The following RPS6KA2 variants were observed in gnomAD, a reference collection of about 807,000 sequenced individuals.
The protein encoded by RPS6KA2 is ribosomal protein S6 kinase alpha-2.
Under a neutral mutation model 91.8 loss-of-function variants are expected in RPS6KA2, and 42 were observed. The ratio of observed to expected loss-of-function variants is 0.46; its 90% CI spans 0.36 to 0.59. RPS6KA2 has a LOEUF of 0.59. RPS6KA2 is among the 20% of genes least tolerant of loss of function. The pLI, the probability that RPS6KA2 is intolerant of heterozygous loss-of-function variation, is 0.00. For synonymous variants in RPS6KA2, 414 were observed against 393.6 expected, an observed-to-expected ratio of 1.05 and a Z score of -0.61; for missense variants, 798 against 978.5, an observed-to-expected ratio of 0.82 and a Z score of 2.46.
At chr6:166,559,989 T>G (rs1784292581) in intron 1 of RPS6KA2, among the ~76,000 whole-genome samples, 1 of 152,316 alleles carries the variant, frequency 6.6e-6, no homozygotes, top group South Asian at 2.1e-4. Flanking sequence ...CATACACATG[T>G]GAACTTACAA....
In RPS6KA2 at chr6:166,851,084, C is replaced by T. The variant is rs147091400; in HGVS notation, c.123+7116G>A. On this transcript the variant is annotated intron_variant, in intron 2 of 21. Transcript: ENST00000503859. ...GCAAATTACATCACCTTTGGTGCCT[C>T]GATTTCACCACCTGAAAAATGGGGG... Among the ~76,000 whole-genome samples, 118 of 152,324 alleles carry T rather than the reference C, an allele frequency of 7.7e-4. 2 individuals carry two copies. The East Asian group carries it at 0.012, about 15-fold the overall frequency.
At position 166,530,256 on chromosome 6, in the gene RPS6KA2, C is replaced by T. The variant is rs56838496; in HGVS notation, c.298+976G>A. Reference sequence around the variant, plus strand: ...TCCCTGCTCTGCCAAGTGTGCCCCCCTCCCAGAGAGAAAGTCTCCCTACCC... The same window carrying T: ...TCCCTGCTCTGCCAAGTGTGCCCCCTTCCCAGAGAGAAAGTCTCCCTACCC... On this transcript the variant is annotated intron_variant, in intron 3 of 20. Transcript: ENST00000265678. Among the ~76,000 whole-genome samples, 630 of 152,340 alleles carry T rather than the reference C, an allele frequency of 4.1e-3. 15 individuals are homozygous for T. In the East Asian group the frequency reaches 0.052, roughly 13 times the overall value.
At chr6:166,712,279 G>A (rs1789885034) in intron 2 of RPS6KA2, among the ~76,000 whole-genome samples, 1 of 152,210 alleles carries the variant, frequency 6.6e-6, no homozygotes, top group Non-Finnish European at 1.5e-5. Context: ...ATCTGGTGGT[G>A]AGGGCAAGGC....
intron 2 of RPS6KA2, among the ~76,000 whole-genome samples, chr6:166,793,777 C>G (rs1253809073): frequency 2.0e-4 from 31 of 152,102 alleles, no homozygotes; most frequent in Admixed American, 1.0e-3. Flanking sequence ...TTAATAAATG[C>G]TGCTGGGAAA....
chr6:166,538,560 G>A (rs972867633), intron 2 of RPS6KA2, 108 bp downstream of exon 2: 40 of 652,994 alleles, frequency 6.1e-5, no homozygotes, highest in South Asian at 3.4e-4. Flanking sequence ...TCCCGTGATC[G>A]CAGCCCTGCA....
intron 2 of RPS6KA2, among the ~76,000 whole-genome samples, chr6:166,844,981 TAC>T (rs999991579): frequency 3.3e-5 from 5 of 152,042 alleles, no homozygotes; most frequent in Non-Finnish European, 5.9e-5. Flanking sequence ...ACTTAAAAGA[TAC>T]AGAGTAGCAT....
In RPS6KA2 at chr6:166,737,344, T is replaced by C. The variant is rs1219955785; in HGVS notation, c.123+120856A>G. On this transcript the variant is annotated intron_variant, in intron 2 of 21. Transcript: ENST00000503859. This position sits in a 1 kb window ranked among gnomAD's most constrained non-coding sequence, Gnocchi z 4.3. ...TCACCCCAGCGGCAGCCTGGTGTGA[T>C]AATTGGTAGGTAACCAGTTTGCTTT... Among the ~76,000 whole-genome samples, 2 of 152,226 alleles carry C rather than the reference T, an allele frequency of 1.3e-5. No individual in the cohort carries two copies. The highest frequency in any genetic ancestry group is 2.4e-5 in the African/African-American group (1 of 41,454).
intron 1 of RPS6KA2, among the ~76,000 whole-genome samples, chr6:166,556,119 G>A (rs60005152): frequency 0.05 from 7,685 of 152,206 alleles, 657 homozygotes; most frequent in African/African-American, 0.17. Flanking sequence ...TCTTTGGGGA[G>A]CAGTGAATAG....
intron 2 of RPS6KA2, among the ~76,000 whole-genome samples, chr6:166,744,952 C>T (rs1261850246): frequency 6.6e-6 from 1 of 152,070 alleles, no homozygotes; most frequent in Non-Finnish European, 1.5e-5. Flanking sequence ...TCAGCTCAGG[C>T]TGCGTAACAA....
chr6:166,747,559 C>T (rs1368992276), intron 2 of RPS6KA2, among the ~76,000 whole-genome samples: 1 of 151,828 alleles, frequency 6.6e-6, no homozygotes, highest in Non-Finnish European at 1.5e-5. Flanking sequence ...TGTGTGGCCG[C>T]TCCTCCTCCT....
intron 5 of RPS6KA2, among the ~76,000 whole-genome samples, chr6:166,507,933 T>C (rs2128481490): frequency 1.0e-5 from 1 of 99,498 alleles, no homozygotes; most frequent in South Asian, 3.3e-4. Flanking sequence ...ATCACGCACA[T>C]GCACTCACAC....
intron 2 of RPS6KA2, among the ~76,000 whole-genome samples, chr6:166,741,097 T>C (rs970838743): frequency 2.0e-5 from 3 of 152,214 alleles, no homozygotes; most frequent in African/African-American, 4.8e-5. Flanking sequence ...GCAAAATCAG[T>C]GACACCTGAA....
In RPS6KA2 at chr6:166,413,860, C is replaced by T. The variant is rs1778404784; in HGVS notation, c.2010G>A (p.Pro670=). The change falls in exon 20 of 21, where the codon CCG becomes CCA. Residue 670 remains proline, a synonymous_variant. Transcript: ENST00000265678. ...RLTAMQVLKH[P]WVVNREYLSP... Reference sequence around the variant, plus strand: ...ACAGGTACTCTCTGTTGACCACCCACGGGTGTTTGAGCACTTGCATCGCCG... The same window carrying T: ...ACAGGTACTCTCTGTTGACCACCCATGGGTGTTTGAGCACTTGCATCGCCG... 13 of 1,614,168 alleles carry T rather than the reference C, an allele frequency of 8.1e-6. No individual in the cohort carries two copies. The highest frequency in any genetic ancestry group is 1.6e-4 in the Middle Eastern group (1 of 6,062).
intron 2 of RPS6KA2, among the ~76,000 whole-genome samples, chr6:166,751,727 C>A (rs1286229403): frequency 6.6e-6 from 1 of 152,242 alleles, no homozygotes; most frequent in Non-Finnish European, 1.5e-5. Flanking sequence ...CCATTCGCAT[C>A]CTAGTGAAGT....
chr6:166,617,375 T>C (rs550812335), intron 1 of RPS6KA2, among the ~76,000 whole-genome samples: 24 of 152,336 alleles, frequency 1.6e-4, no homozygotes, highest in Non-Finnish European at 3.4e-4. Flanking sequence ...TTTTAAGTAA[T>C]CAAAGTTGTT....
rs369859967 is a variant in RPS6KA2 at position 166,543,835 on chromosome 6, G to A, written c.100-5051C>T. On this transcript the variant is annotated intron_variant, in intron 1 of 20. Transcript: ENST00000265678. The stretch of plus-strand genomic sequence containing the variant: ...CCTGAGTGTGTGCACGTGTGTGTGC[G>A]CATGTGTACATGTGGAATGCACATA... Among the ~76,000 whole-genome samples, 57 of 152,174 alleles carry A rather than the reference G, an allele frequency of 3.7e-4. 1 individual carries two copies. The South Asian group carries it at 8.1e-3, about 22-fold the overall frequency.
chr6:166,454,029 G>A (rs1486811170), intron 12 of RPS6KA2, among the ~76,000 whole-genome samples: 3 of 152,230 alleles, frequency 2.0e-5, no homozygotes, highest in Non-Finnish European at 4.4e-5. Context: ...GATGTCGAGT[G>A]TGGTGGGATA....
intron 10 of RPS6KA2, among the ~76,000 whole-genome samples, chr6:166,475,312 A>C (rs906590815): frequency 6.6e-6 from 1 of 152,194 alleles, no homozygotes; most frequent in Non-Finnish European, 1.5e-5. Flanking sequence ...CCCCACGCTC[A>C]CCACACCCAC....
At chr6:166,788,732 G>T (rs1337977220) in intron 2 of RPS6KA2, among the ~76,000 whole-genome samples, 2 of 152,152 alleles carry the variant, frequency 1.3e-5, no homozygotes, top group Non-Finnish European at 2.9e-5. Context: ...AATACCTAAT[G>T]CATGTGGGGC....
Sources: allele counts gnomAD v4.1 joint callset (sites outside exome capture counted in the v4.1 genomes callset), GRCh38; gene constraint gnomAD v4.1.1; non-coding constraint Gnocchi (gnomAD v3.1); transcripts MANE v1.5; gene names NCBI Gene and HGNC (gene_info 2026-07-23, HGNC 2026-07-21).